CCDC141: variants seen among roughly 807,000 people sequenced by gnomAD.
CCDC141 encodes coiled-coil domain-containing protein 141.
A neutral mutation model predicts 181.0 loss-of-function variants in CCDC141; 168 were observed. That is an observed-to-expected ratio of 0.93 (90% CI 0.82 to 1.05). The LOEUF (loss-of-function observed/expected upper bound fraction) is 1.05. CCDC141 is among the 50% of genes least tolerant of loss of function. The probability of loss-of-function intolerance (pLI) is 0.00; values close to 1 mark genes in which losing one functional copy is unlikely to be tolerated. For missense variants in CCDC141, 1,902 were observed against 1,788.5 expected, an observed-to-expected ratio of 1.06 and a Z score of -1.14; for synonymous variants, 666 against 642.3, an observed-to-expected ratio of 1.04 and a Z score of -0.56.
intron 3 of CCDC141, 141 bp downstream of exon 3, chr2:178,978,343 A>T (rs976123370): frequency 2.2e-6 from 1 of 458,390 alleles, no homozygotes; most frequent in Non-Finnish European, 3.6e-6. Flanking sequence ...CAAAAATTAA[A>T]TATATTGTGT....
At chr2:178,856,626 T>A (rs567580675) in intron 17 of CCDC141, among the ~76,000 whole-genome samples, 119 of 151,864 alleles carry the variant, frequency 7.8e-4, no homozygotes, top group African/African-American at 2.7e-3. Flanking sequence ...TCTCACTTTG[T>A]CACTCAGGCT....
intron 2 of CCDC141, among the ~76,000 whole-genome samples, chr2:179,014,127 A>T (rs2042356268): frequency 6.6e-6 from 1 of 152,116 alleles, no homozygotes; most frequent in Non-Finnish European, 1.5e-5. Context: ...AAATACTCAC[A>T]GCCAACTGAT....
chr2:178,952,537 C>T (rs1275354151), intron 5 of CCDC141, among the ~76,000 whole-genome samples: 1 of 152,182 alleles, frequency 6.6e-6, no homozygotes, highest in Non-Finnish European at 1.5e-5. Context: ...CACCAGAGTC[C>T]TGTTTCAACC....
chr2:178,991,672 T>C (rs954313396), intron 2 of CCDC141, among the ~76,000 whole-genome samples: 68 of 152,140 alleles, frequency 4.5e-4, no homozygotes, highest in African/African-American at 1.3e-3. Flanking sequence ...TAACTAAAAG[T>C]AAAGATTTTT....
At chr2:178,849,581 C>T (rs1451119276) in intron 21 of CCDC141, among the ~76,000 whole-genome samples, 1 of 152,116 alleles carries the variant, frequency 6.6e-6, no homozygotes, top group Non-Finnish European at 1.5e-5. Flanking sequence ...AATTTGTATT[C>T]TACGAAAAGT....
At chr2:178,853,105 T>C (rs1316172669) in intron 20 of CCDC141, among the ~76,000 whole-genome samples, 1 of 152,232 alleles carries the variant, frequency 6.6e-6, no homozygotes, top group Admixed American at 6.5e-5. Context: ...TAGTGGAAAT[T>C]AGATTTTGTT....
chr2:178,865,686 C>G lies in CCDC141; in HGVS notation c.2724+81G>C. On this transcript the variant is annotated intron_variant, in intron 17 of 23. Transcript: ENST00000443758. ...GTTTGCATGTGTGTGGGAGTGTGCA[C>G]AAATGTGGACATTTAGACACATGCT... is the stretch of plus-strand genomic sequence containing the variant. The G allele has an allele frequency of 6.9e-6, 9 of 1,298,164 alleles. No homozygotes were observed. In the South Asian group the frequency reaches 2.1e-4, roughly 30 times the overall value. The allele number at this position is 1,298,164 out of a possible 1,614,324, so 80.4% of individuals were successfully genotyped here.
chr2:178,868,272 T>G (rs1490959405), intron 15 of CCDC141, 67 bp from the exon 16 acceptor site: 3 of 1,371,326 alleles, frequency 2.2e-6, no homozygotes, highest in Non-Finnish European at 3.1e-6. Context: ...TTAAGCCTAA[T>G]TTCTATAGCA....
chr2:179,015,514 G>GATATATA (rs2042473143), intron 2 of CCDC141, among the ~76,000 whole-genome samples: 1 of 32,660 alleles, frequency 3.1e-5, no homozygotes, highest in Non-Finnish European at 7.6e-5. Context: ...TATCATATAT[G>GATATATA]TATCACATAT....
intron 2 of CCDC141, among the ~76,000 whole-genome samples, chr2:179,006,295 G>A (rs2042121802): frequency 6.6e-6 from 1 of 152,174 alleles, no homozygotes; most frequent in Non-Finnish European, 1.5e-5. Flanking sequence ...AAGAAATTAA[G>A]CAAACTGTGA....
chr2:179,004,968 G>T (rs1325262022), intron 2 of CCDC141, among the ~76,000 whole-genome samples: 2 of 152,120 alleles, frequency 1.3e-5, no homozygotes, highest in Non-Finnish European at 2.9e-5. Flanking sequence ...CTGACCTCAG[G>T]TTATCCACCT....
At chr2:178,888,273 G>C (rs889103435) in intron 9 of CCDC141, among the ~76,000 whole-genome samples, 2 of 152,202 alleles carry the variant, frequency 1.3e-5, no homozygotes, top group African/African-American at 4.8e-5. Context: ...AGTTAACACA[G>C]TACTGTGCAA....
chr2:178,864,558 G>T (rs2154368441), intron 17 of CCDC141, among the ~76,000 whole-genome samples: 1 of 152,266 alleles, frequency 6.6e-6, no homozygotes. Context: ...CCGCTGAAAT[G>T]AACATCATTA....
chr2:178,921,103 C>G (rs1688669673), intron 6 of CCDC141, among the ~76,000 whole-genome samples: 1 of 152,218 alleles, frequency 6.6e-6, no homozygotes, highest in African/African-American at 2.4e-5. Flanking sequence ...ACTCCAAAAT[C>G]TGCAATTTCT....
At chr2:178,817,362 C>T in the CCDC141 span, among the ~76,000 whole-genome samples, 1 of 152,058 alleles carries the variant, frequency 6.6e-6, no homozygotes, top group Non-Finnish European at 1.5e-5. Context: ...GAGAACATGG[C>T]CTCAAATATA....
At chr2:178,935,758 C>T (rs12464521) in intron 6 of CCDC141, among the ~76,000 whole-genome samples, 12 of 152,070 alleles carry the variant, frequency 7.9e-5, no homozygotes, top group African/African-American at 2.9e-4. Context: ...TGCAACTTCA[C>T]CAACATCTGT....
chr2:178,837,783 T>C, intron 22 of CCDC141, 39 bp from the exon 23 acceptor site: 1 of 1,551,520 alleles, frequency 6.4e-7, no homozygotes, highest in South Asian at 1.3e-5. Flanking sequence ...TATTCATTCA[T>C]TTTTCTTTTT....
chr2:178,880,649 G>T lies in CCDC141; in HGVS notation c.1720-2506C>A, dbSNP rs1454703134. On this transcript the variant is annotated intron_variant, in intron 11 of 23. Transcript: ENST00000443758. ...TCAGCTTTGATGTTTGCTAGTGCTT[G>T]ATCCTGCACACCTCACCCCTCAGAT... Among the ~76,000 whole-genome samples, 4 of 152,184 alleles carry T rather than the reference G, an allele frequency of 2.6e-5. No homozygotes were observed. The East Asian group carries it at 7.7e-4, about 29-fold the overall frequency.
At chr2:178,850,232 T>C in intron 20 of CCDC141, 71 bp from the exon 21 acceptor site, 1 of 764,922 alleles carries the variant, frequency 1.3e-6, no homozygotes, top group South Asian at 1.5e-5. Flanking sequence ...CAGGTATAAA[T>C]TCATCTCCCT....
Sources: allele counts gnomAD v4.1 joint callset (sites outside exome capture counted in the v4.1 genomes callset), GRCh38; gene constraint gnomAD v4.1.1; transcripts MANE v1.5; gene names NCBI Gene and HGNC (gene_info 2026-07-23, HGNC 2026-07-21).